DENND4C: variants seen among roughly 807,000 people sequenced by gnomAD.
DENND4C encodes the protein DENN domain-containing protein 4C.
In DENND4C, 108 loss-of-function variants were observed where a neutral mutation model predicts 203.0. The ratio of observed to expected loss-of-function variants is 0.53; its 90% confidence interval spans 0.46 to 0.62. DENND4C has a LOEUF of 0.62. DENND4C is among the 20% of genes least tolerant of loss of function. DENND4C has a pLI of 0.00. For synonymous variants in DENND4C, 871 were observed against 792.4 expected (o/e 1.10, Z -1.67); for missense variants, 2,481 against 2,301.2 (o/e 1.08, Z -1.60).
intron 16 of DENND4C, among the ~76,000 whole-genome samples, chr9:19,330,314 A>C (rs1818777073): frequency 6.7e-6 from 1 of 150,368 alleles, no homozygotes. Context: ...CTCAAAAGTA[A>C]AATTAATATA....
chr9:19,347,753 A>G (rs1823224861), intron 23 of DENND4C, among the ~76,000 whole-genome samples: 1 of 152,238 alleles, frequency 6.6e-6, no homozygotes, highest in African/African-American at 2.4e-5. Flanking sequence ...TCTAATGATT[A>G]GTGTTTGAAG....
intron 1 of DENND4C, among the ~76,000 whole-genome samples, chr9:19,271,657 T>C (rs112747495): frequency 0.014 from 2,115 of 150,538 alleles, 45 homozygotes; most frequent in African/African-American, 0.049. Flanking sequence ...CCTGAGGTGG[T>C]TGAGTTAAAG....
chr9:19,268,368 G>A (rs1377788461), intron 1 of DENND4C, among the ~76,000 whole-genome samples: 1 of 152,086 alleles, frequency 6.6e-6, no homozygotes, highest in Non-Finnish European at 1.5e-5. Flanking sequence ...CCAGAGTTCT[G>A]GGAATACAGG....
At chr9:19,289,690 G>A (rs1051773779) in intron 4 of DENND4C, among the ~76,000 whole-genome samples, 1 of 151,866 alleles carries the variant, frequency 6.6e-6, no homozygotes, top group African/African-American at 2.4e-5. Context: ...TTAGCCAGGC[G>A]TGGTGGCACG....
chr9:19,343,440 G>A (rs1376394166), intron 22 of DENND4C, among the ~76,000 whole-genome samples: 1 of 152,220 alleles, frequency 6.6e-6, no homozygotes, highest in Non-Finnish European at 1.5e-5. Context: ...AGTGGTGGCT[G>A]CAGTTGACTT....
At chr9:19,293,709 C>T (rs1362314259) in intron 5 of DENND4C, among the ~76,000 whole-genome samples, 1 of 152,176 alleles carries the variant, frequency 6.6e-6, no homozygotes, top group Non-Finnish European at 1.5e-5. Flanking sequence ...GTCTATATGC[C>T]TGGTAGCTCT....
chr9:19,357,827 C>G, intron 27 of DENND4C, 138 bp from the exon 28 acceptor site: 1 of 683,352 alleles, frequency 1.5e-6, no homozygotes, highest in East Asian at 2.8e-5. Context: ...GAAGGAAATG[C>G]AATTCTTACA....
At chr9:19,310,940 G>C (rs1840615469) in intron 10 of DENND4C, among the ~76,000 whole-genome samples, 2 of 152,116 alleles carry the variant, frequency 1.3e-5, no homozygotes, top group South Asian at 4.1e-4. Context: ...AATTTGCTAA[G>C]AATTTAAGAT....
In DENND4C at chr9:19,372,098, G is replaced by C. The variant is rs1828951025; in HGVS notation, c.5802G>C (p.Arg1934Ser). 6.2e-7 allele frequency: 1 copy of C among 1,613,962 alleles called. No homozygotes were observed. ...YNSLSSEILE[R>S]LQKIDAPPSA... ...GTCTGTCTTCAGAGATTCTTGAAAGGTTGCAGAAAATTGATGCTCCACCAA... is the reference window on the plus strand; with the variant it reads ...GTCTGTCTTCAGAGATTCTTGAAAGCTTGCAGAAAATTGATGCTCCACCAA... Residue 1934 changes from arginine (R) to serine (S), a missense_variant, in exon 33 of 33, where the codon AGG becomes AGC. Around this residue, in one of 3 missense-constraint regions of DENND4C, gnomAD observed 2,289 missense variants for 2,113.3 expected, o/e 1.08. Coordinates refer to ENST00000434457, the MANE Select transcript of DENND4C (RefSeq NM_001330640.2).
chr9:19,347,339 C>A (rs1305927252), intron 23 of DENND4C, among the ~76,000 whole-genome samples: 1 of 152,118 alleles, frequency 6.6e-6, no homozygotes, highest in African/African-American at 2.4e-5. Context: ...CCATGTTGGC[C>A]AGGCTGGTCT....
chr9:19,255,229 C>A (rs942633601), intron 1 of DENND4C, among the ~76,000 whole-genome samples: 4 of 151,872 alleles, frequency 2.6e-5, no homozygotes. Flanking sequence ...ATAGAGAGAC[C>A]CTGATCTCTA....
At chr9:19,299,159 T>A (rs1050307796) in intron 7 of DENND4C, 70 bp from the exon 8 acceptor site, 15 of 1,137,756 alleles carry the variant, frequency 1.3e-5, no homozygotes, top group Non-Finnish European at 1.9e-5. Context: ...ATTTCAAAAG[T>A]AGTTTTGAAA....
At chr9:19,258,844 G>C (rs993803833) in intron 1 of DENND4C, among the ~76,000 whole-genome samples, 3 of 151,780 alleles carry the variant, frequency 2.0e-5, no homozygotes, top group Non-Finnish European at 2.9e-5. Context: ...TATTAGAGAC[G>C]GGGTTTCACC....
intron 9 of DENND4C, among the ~76,000 whole-genome samples, chr9:19,301,680 T>C (rs1210576035): frequency 6.6e-6 from 1 of 152,228 alleles, no homozygotes; most frequent in Non-Finnish European, 1.5e-5. Context: ...GGCACACACC[T>C]GTAATCCCAG....
At chr9:19,349,395 C>G (rs1175443922) in intron 23 of DENND4C, among the ~76,000 whole-genome samples, 1 of 152,074 alleles carries the variant, frequency 6.6e-6, no homozygotes, top group Non-Finnish European at 1.5e-5. Flanking sequence ...GTGATAGAGA[C>G]CCTTTCTCCC....
chr9:19,241,282 T>C (rs1164122974), intron 1 of DENND4C, among the ~76,000 whole-genome samples: 1 of 152,240 alleles, frequency 6.6e-6, no homozygotes, highest in Admixed American at 6.5e-5. Flanking sequence ...TGTTGTTTTT[T>C]GACTCTCGTA....
chr9:19,350,985 A>C (rs528381033), intron 24 of DENND4C, 106 bp downstream of exon 24: 1 of 1,168,526 alleles, frequency 8.6e-7, no homozygotes, highest in African/African-American at 1.6e-5. Flanking sequence ...CTGGTCTCGA[A>C]CTCCTGGGCT....
chr9:19,287,258 T>A (rs548490439), intron 3 of DENND4C, among the ~76,000 whole-genome samples: 2 of 152,356 alleles, frequency 1.3e-5, no homozygotes, highest in Non-Finnish European at 2.9e-5. Flanking sequence ...TTGTCTGTGT[T>A]ACATTAACAA....
intron 1 of DENND4C, among the ~76,000 whole-genome samples, chr9:19,274,600 A>G (rs531591744): frequency 6.6e-6 from 1 of 152,080 alleles, no homozygotes; most frequent in Non-Finnish European, 1.5e-5. Flanking sequence ...CGGCCTGGAT[A>G]TGTTTCACTA....
Sources: gnomAD v4.1 joint callset for allele counts (sites outside exome capture counted in the v4.1 genomes callset) on GRCh38, gnomAD v4.1.1 for gene constraint, gnomAD v4.1.1 regional missense constraint, MANE v1.5 for transcripts, NCBI Gene and HGNC (gene_info 2026-07-23, HGNC 2026-07-21) for gene names.